Variants in PAK5 observed in about 807,000 individuals in gnomAD.
PAK5 encodes serine/threonine-protein kinase PAK 5.
PAK5 carries 16 observed loss-of-function variants against 65.9 expected under a neutral mutation model. That is an observed-to-expected ratio of 0.24 (90% CI 0.16 to 0.37). The LOEUF is 0.37. Ranked by LOEUF, PAK5 falls within the 10% of genes least tolerant of loss-of-function variation. The pLI is 1.00. For missense variants in PAK5, 785 were observed against 903.9 expected (o/e 0.87, Z 1.69); for synonymous variants, 371 against 354.9 (o/e 1.05, Z -0.51).
chr20:9,736,189 C>T (rs1294110662), intron 1 of PAK5, among the ~76,000 whole-genome samples: 1 of 152,056 alleles, frequency 6.6e-6, no homozygotes, highest in Non-Finnish European at 1.5e-5. Flanking sequence ...GCATGAGCAA[C>T]TGCGCCAGGC....
chr20:9,704,617 A>C (rs1341472013), intron 2 of PAK5, among the ~76,000 whole-genome samples: 3 of 152,134 alleles, frequency 2.0e-5, no homozygotes, highest in Non-Finnish European at 2.9e-5. Flanking sequence ...GTCTGCAACT[A>C]CTTGTTTTAG....
intron 1 of PAK5, among the ~76,000 whole-genome samples, chr20:9,778,934 C>A (rs372593339): frequency 1.3e-5 from 2 of 152,156 alleles, no homozygotes; most frequent in Non-Finnish European, 2.9e-5. Flanking sequence ...CCCTTCCCTA[C>A]ACGTAATCTT....
At chr20:9,611,951 T>C (rs6056754) in intron 3 of PAK5, among the ~76,000 whole-genome samples, 96,263 of 152,008 alleles carry the variant, frequency 0.63, 32,242 homozygotes, top group African/African-American at 0.86. Context: ...CTCCATAAAT[T>C]CTTTGTGCAG....
chr20:9,590,993 C>A (rs1336944340), intron 3 of PAK5, among the ~76,000 whole-genome samples: 1 of 152,132 alleles, frequency 6.6e-6, no homozygotes, highest in Non-Finnish European at 1.5e-5. Context: ...ATGATCTGAA[C>A]TTTAAAGAAT....
intron 2 of PAK5, among the ~76,000 whole-genome samples, chr20:9,665,956 C>G (rs1357346664): frequency 6.6e-6 from 1 of 152,102 alleles, no homozygotes; most frequent in Admixed American, 6.6e-5. Context: ...GTTGTGGACT[C>G]CATGGCCCAG....
chr20:9,772,739 C>T (rs967434770), intron 1 of PAK5, among the ~76,000 whole-genome samples: 7 of 152,306 alleles, frequency 4.6e-5, no homozygotes, highest in African/African-American at 1.4e-4. Context: ...GTTGTCAGTG[C>T]CATGCATATC....
chr20:9,804,065 T>C (rs1209721153), intron 1 of PAK5, among the ~76,000 whole-genome samples: 1 of 152,168 alleles, frequency 6.6e-6, no homozygotes, highest in Non-Finnish European at 1.5e-5. Flanking sequence ...ACCAACAGTG[T>C]AGTCTGTGGA....
intron 1 of PAK5, among the ~76,000 whole-genome samples, chr20:9,770,960 G>C (rs2048826107): frequency 6.6e-6 from 1 of 152,106 alleles, no homozygotes; most frequent in Non-Finnish European, 1.5e-5. Flanking sequence ...AAACTGTCCA[G>C]CAAGAAAGAT....
chr20:9,580,197 T>C lies in PAK5; in HGVS notation c.938A>G (p.Tyr313Cys). 6.2e-7 allele frequency: 1 copy of C among 1,614,130 alleles called. No homozygotes were observed. The highest frequency in any genetic ancestry group is 8.5e-7 in the Non-Finnish European group (1 of 1,179,978). Residue 313 changes from tyrosine to cysteine, a missense_variant, in exon 4 of 10, where the codon TAC (tyrosine) becomes TGC (cysteine). Tyr to Cys is a radical substitution (Grantham distance 194). Coordinates refer to ENST00000353224, the MANE Select transcript of PAK5 (RefSeq NM_177990.4). Reference sequence around the variant, plus strand: ...CAAGCGAGGGTAGGTGTAGGAGTTGTAGGAGTGTCCTTGGGGATGGGTTTT... The same window carrying C: ...CAAGCGAGGGTAGGTGTAGGAGTTGCAGGAGTGTCCTTGGGGATGGGTTTT... Reference protein sequence around the residue: ...AFKTHPQGHSYNSYTYPRLSE... With the variant: ...AFKTHPQGHSCNSYTYPRLSE...
intron 1 of PAK5, among the ~76,000 whole-genome samples, chr20:9,712,146 T>C (rs890402809): frequency 2.0e-5 from 3 of 152,124 alleles, no homozygotes; most frequent in Non-Finnish European, 2.9e-5. Flanking sequence ...TATGGGGCCA[T>C]TTCAAACCAT....
rs111549262 is a variant in PAK5, at chr20:9,547,879, T to C, written c.1744-3385A>G. 8.3e-3 allele frequency among the ~76,000 whole-genome samples: 1,269 copies of C among 152,200 alleles called. 8 individuals are homozygous for C. The highest frequency in any genetic ancestry group is 0.029 in the African/African-American group (1,198 of 41,524). On this transcript the variant is annotated intron_variant, in intron 7 of 9. Coordinates refer to ENST00000353224, the MANE Select transcript of PAK5 (RefSeq NM_177990.4). ...AGCCACAGGCTGTTGGTATACACAT[T>C]ATAGCTTGAATCATAGATCACAGTT...
At chr20:9,780,309 A>C (rs1378500399) in intron 1 of PAK5, among the ~76,000 whole-genome samples, 1 of 151,108 alleles carries the variant, frequency 6.6e-6, no homozygotes, top group East Asian at 1.9e-4. Context: ...GCAATTTGGA[A>C]AGTTAGGCCA....
intron 3 of PAK5, among the ~76,000 whole-genome samples, chr20:9,618,588 T>A (rs1221025039): frequency 6.7e-6 from 1 of 148,734 alleles, no homozygotes; most frequent in Non-Finnish European, 1.5e-5. Flanking sequence ...TTTTTTTTTG[T>A]ATTTTTAGTA....
chr20:9,808,277 A>G (rs1189842234), intron 1 of PAK5, among the ~76,000 whole-genome samples: 1 of 152,224 alleles, frequency 6.6e-6, no homozygotes, highest in Non-Finnish European at 1.5e-5. Flanking sequence ...CACAAGGAGA[A>G]GTACAAAAAA....
chr20:9,557,608 C>T lies in PAK5; in HGVS notation c.1743G>A (p.Arg581=), dbSNP rs780239247. 1.9e-6 allele frequency: 3 copies of T among 1,606,814 alleles called. No individual in the cohort carries two copies. The highest frequency in any genetic ancestry group is 2.5e-6 in the Non-Finnish European group (3 of 1,176,738). ...AACGGGCCAAACATGAACATCTTAC[C>T]CGGCCATCGCTTGTCAGGAGGATGG... The part of the protein sequence containing the change: ...SDSILLTSDG[R]IKLSDFGFCA... Residue 581 remains arginine, a splice_region_variant and synonymous_variant, in exon 7 of 10, where the codon CGG becomes CGA. Transcript: ENST00000353224.
intron 2 of PAK5, among the ~76,000 whole-genome samples, chr20:9,671,960 C>G (rs544087275): frequency 1.8e-4 from 28 of 152,200 alleles, no homozygotes; most frequent in Admixed American, 1.6e-3. Context: ...TAATAAAAAT[C>G]AGCCACACAC....
chr20:9,610,579 T>C (rs1261680695), intron 3 of PAK5, among the ~76,000 whole-genome samples: 1 of 152,178 alleles, frequency 6.6e-6, no homozygotes, highest in Admixed American at 6.5e-5. Flanking sequence ...AATAGGCAAA[T>C]ATAAGATGTC....
chr20:9,624,550 A>G (rs2327202), intron 3 of PAK5, among the ~76,000 whole-genome samples: 135,062 of 146,040 alleles, frequency 0.92, 63,006 homozygotes, highest in East Asian at 1. Flanking sequence ...CTGTTTTCTT[A>G]AAATTAAGGT....
intron 2 of PAK5, among the ~76,000 whole-genome samples, chr20:9,650,120 A>G (rs935931509): frequency 1.3e-5 from 2 of 152,246 alleles, no homozygotes; most frequent in African/African-American, 4.8e-5. Context: ...AACTCCAGAT[A>G]TGCATAGCTC....
Sources: allele counts gnomAD v4.1 joint callset (sites outside exome capture counted in the v4.1 genomes callset), GRCh38; gene constraint gnomAD v4.1.1; transcripts MANE v1.5; gene names NCBI Gene and HGNC (gene_info 2026-07-23, HGNC 2026-07-21).